The following AOPEP variants were observed in gnomAD, a reference collection of about 807,000 sequenced individuals.
The protein encoded by AOPEP is aminopeptidase O.
A neutral mutation model predicts 98.1 loss-of-function variants in AOPEP; 77 were observed. The ratio of observed to expected loss-of-function variants is 0.78; its 90% confidence interval spans 0.65 to 0.95. AOPEP has a LOEUF of 0.95. Ranked by LOEUF, AOPEP falls within the 40% of genes least tolerant of loss-of-function variation. AOPEP has a pLI of 0.00. For synonymous variants in AOPEP, 346 were observed against 365.3 expected (o/e 0.95, Z 0.60); for missense variants, 1,024 against 1,024.7 (o/e 1.00, Z 0.01).
intron 7 of AOPEP, among the ~76,000 whole-genome samples, chr9:94,953,661 A>G (rs779132025): frequency 3.3e-5 from 5 of 152,186 alleles, no homozygotes; most frequent in Non-Finnish European, 5.9e-5. Context: ...AGTCTAAACT[A>G]GGTCTCATAT....
At chr9:95,009,759 A>G (rs1176920389) in intron 13 of AOPEP, among the ~76,000 whole-genome samples, 2 of 152,180 alleles carry the variant, frequency 1.3e-5, no homozygotes, top group Admixed American at 6.5e-5. Flanking sequence ...CCAAAAAACA[A>G]TACTCTTGAG....
the AOPEP span, chr9:95,111,167 G>A: frequency 6.5e-7 from 1 of 1,535,714 alleles, no homozygotes; most frequent in South Asian, 1.2e-5. Context: ...GCGACCCTGG[G>A]GCAGATATGG....
intron 16 of AOPEP, among the ~76,000 whole-genome samples, chr9:95,084,257 A>C (rs1419851005): frequency 2.0e-5 from 3 of 152,338 alleles, no homozygotes; most frequent in African/African-American, 7.2e-5. Context: ...TATGAAAACC[A>C]TTTCTGTGTA....
intron 1 of AOPEP, among the ~76,000 whole-genome samples, chr9:94,732,247 C>T (rs1587935754): frequency 6.8e-6 from 1 of 147,432 alleles, no homozygotes; most frequent in Non-Finnish European, 1.5e-5. Flanking sequence ...TTTCAGTCAA[C>T]TTTTTTTTTT....
Position 94,923,880 on chromosome 9 carries a change from C to T in AOPEP, c.1365-106C>T, listed in dbSNP as rs542232508. ...AGCCTATCTGTCATGATCTAGCATG[C>T]ACATGATAATAACAGGCTTGCCAGG... On this transcript the variant is annotated intron_variant, in intron 5 of 16. Transcript: ENST00000375315. 9 of 643,692 alleles carry T rather than the reference C, an allele frequency of 1.4e-5. No individual in the cohort carries two copies. The South Asian group carries it at 4.1e-4, about 29-fold the overall frequency. 39.9% of individuals were successfully genotyped at this position (643,692 alleles called of 1,614,324 possible).
At chr9:94,967,651 C>A in intron 9 of AOPEP, 107 bp from the exon 10 acceptor site, 1 of 846,266 alleles carries the variant, frequency 1.2e-6, no homozygotes, top group South Asian at 1.4e-5. Context: ...TCTAGCTTCT[C>A]AAGCAGGTGA....
rs779642520 is a variant in AOPEP at position 94,996,354 on chromosome 9, G to GTC, written c.1978-8803_1978-8802insCT. Reference sequence around the variant, plus strand: ...TGTGGTGGATTTTACTTGCCTCTGTGTGTGTGTGTGTGTGTGTGTGTGTGT... The same window carrying GTC: ...TGTGGTGGATTTTACTTGCCTCTGTGTCTGTGTGTGTGTGTGTGTGTGTGTGT... On this transcript the variant is annotated intron_variant, in intron 11 of 16. Coordinates refer to ENST00000375315, the MANE Select transcript of AOPEP (RefSeq NM_001193329.3). 7.2e-3 allele frequency among the ~76,000 whole-genome samples: 730 copies of GTC among 101,260 alleles called. 11 individuals are homozygous for GTC. The highest frequency in any genetic ancestry group is 0.06 in the South Asian group (181 of 3,042). The allele number at this position is 101,260 out of a possible 152,430, so 66.4% of individuals were successfully genotyped here.
chr9:95,086,805 C>A lies in AOPEP; in HGVS notation c.*128C>A, dbSNP rs1020335914. ...AAAGCCATCGGCCCACAGCCCTGTT[C>A]ACATCTTGGTGCTTCTCTTTCCCAG... On this transcript the variant is annotated 3_prime_UTR_variant, in exon 17 of 17. Coordinates refer to ENST00000375315, the MANE Select transcript of AOPEP (RefSeq NM_001193329.3). The A allele has an allele frequency of 2.0e-6, 2 of 987,886 alleles. No homozygotes were observed. The highest frequency in any genetic ancestry group is 6.1e-5 in the Admixed American group (1 of 16,278). The allele number at this position is 987,886 out of a possible 1,614,324, so 61.2% of individuals were successfully genotyped here. A position where few individuals can be genotyped will look rare whatever the true frequency, so the allele number is the denominator to read the frequency against.
At position 94,803,899 on chromosome 9, in the gene AOPEP, C is replaced by T. The variant is rs192987757; in HGVS notation, c.1364+2897C>T. ...TTTTGTTTCATTGTGTTTTTGCCTT[C>T]CATGAAGACTGAATCTGCCATATCA... is the stretch of plus-strand genomic sequence containing the variant. On this transcript the variant is annotated intron_variant, in intron 5 of 16. Transcript: ENST00000375315. 3.0e-3 allele frequency among the ~76,000 whole-genome samples: 451 copies of T among 152,264 alleles called. 1 individual carries two copies. Among genetic ancestry groups the T allele is most frequent in the Non-Finnish European group, 5.5e-3 (377 of 68,024 alleles).
chr9:95,131,255 C>T, the AOPEP span, among the ~76,000 whole-genome samples: 1 of 152,240 alleles, frequency 6.6e-6, no homozygotes, highest in Non-Finnish European at 1.5e-5. Flanking sequence ...CCAGCACCCC[C>T]TCCCCTGCCT....
At chr9:95,137,118 C>T in the AOPEP span, among the ~76,000 whole-genome samples, 3 of 152,350 alleles carry the variant, frequency 2.0e-5, no homozygotes, top group South Asian at 2.1e-4. Flanking sequence ...AGCCTCCCAC[C>T]GACCCAACAA....
intron 5 of AOPEP, among the ~76,000 whole-genome samples, chr9:94,881,959 C>T (rs1392654649): frequency 2.0e-5 from 3 of 152,188 alleles, no homozygotes; most frequent in African/African-American, 7.2e-5. Context: ...CCACAGGTCC[C>T]AGTATCATGT....
intron 1 of AOPEP, among the ~76,000 whole-genome samples, chr9:94,736,282 A>G (rs1410390315): frequency 6.6e-6 from 1 of 152,152 alleles, no homozygotes; most frequent in African/African-American, 2.4e-5. Context: ...ACATTCTTCT[A>G]AGAGCTAGAG....
chr9:94,749,532 A>G (rs918322534), intron 1 of AOPEP, among the ~76,000 whole-genome samples: 12 of 152,270 alleles, frequency 7.9e-5, no homozygotes, highest in East Asian at 3.9e-4. Flanking sequence ...TTGGACTCCA[A>G]TTATTTGTCC....
the AOPEP span, chr9:95,135,336 CA>C: frequency 6.2e-7 from 1 of 1,613,466 alleles, no homozygotes; most frequent in African/African-American, 1.3e-5. Context: ...CATCAAAACC[CA>C]GTACGTACCA....
the AOPEP span, among the ~76,000 whole-genome samples, chr9:95,148,662 C>T: frequency 2.0e-5 from 3 of 152,260 alleles, no homozygotes; most frequent in East Asian, 5.8e-4. Context: ...GGAAGATATA[C>T]ATAACTCAAT....
At chr9:94,924,992 G>T (rs542187237) in intron 6 of AOPEP, among the ~76,000 whole-genome samples, 85 of 151,924 alleles carry the variant, frequency 5.6e-4, no homozygotes, top group Admixed American at 1.2e-3. Context: ...TCCTATTTTT[G>T]TTGTTGTTGT....
chr9:94,854,863 T>C (rs79944302), intron 5 of AOPEP, among the ~76,000 whole-genome samples: 27 of 152,262 alleles, frequency 1.8e-4, no homozygotes, highest in African/African-American at 6.5e-4. Context: ...AAACGAGCTC[T>C]ACATATGAGT....
chr9:95,018,005 C>G (rs1023243392), intron 13 of AOPEP, among the ~76,000 whole-genome samples: 3 of 152,156 alleles, frequency 2.0e-5, no homozygotes, highest in African/African-American at 7.2e-5. Flanking sequence ...TATGGATATA[C>G]TACATTTTGT....
Sources: gnomAD v4.1 joint callset for allele counts (sites outside exome capture counted in the v4.1 genomes callset) on GRCh38, gnomAD v4.1.1 for gene constraint, MANE v1.5 for transcripts, NCBI Gene and HGNC (gene_info 2026-07-23, HGNC 2026-07-21) for gene names.